The following SNX21 variants were observed in gnomAD, a reference collection of about 807,000 sequenced individuals.
The protein encoded by SNX21 is sorting nexin family member 21.
A neutral mutation model predicts 30.9 loss-of-function variants in SNX21; 36 were observed. The ratio of observed to expected loss-of-function variants is 1.16; its 90% CI spans 0.89 to 1.54. SNX21 has a LOEUF of 1.54. SNX21 is among the 40% of genes most tolerant of loss of function. SNX21 has a pLI of 0.00. For missense variants in SNX21, 508 were observed against 516.5 expected, an observed-to-expected ratio of 0.98 and a Z score of 0.16; for synonymous variants, 218 against 222.7, an observed-to-expected ratio of 0.98 and a Z score of 0.19.
At position 45,833,880 on chromosome 20, in the gene SNX21, G is replaced by A. The variant is rs931646183; in HGVS notation, c.-40G>A. 4 of 1,341,340 alleles carry A rather than the reference G, an allele frequency of 3.0e-6. No homozygotes were observed. The African/African-American group carries it at 6.2e-5, about 21-fold the overall frequency. The allele number at this position is 1,341,340 out of a possible 1,614,324, so 83.1% of individuals were successfully genotyped here. On this transcript the variant is annotated 5_prime_UTR_variant, in exon 1 of 4. Coordinates refer to ENST00000491381, the MANE Select transcript of SNX21 (RefSeq NM_033421.4). ...CCCGGCCGACCTCCATGGGCTGCGGGGGGCTGCACCCGGACCCCTGGGGCG... is the reference window on the plus strand; with the variant it reads ...CCCGGCCGACCTCCATGGGCTGCGGAGGGCTGCACCCGGACCCCTGGGGCG...
Position 45,833,807 on chromosome 20 carries a change from G to A in SNX21, c.-113G>A, listed in dbSNP as rs1983214344. On this transcript the variant is annotated 5_prime_UTR_variant, in exon 1 of 4. Transcript: ENST00000491381. ...GGAGGCGGGGCGGCGGCAGGAAGCTGCCCGAGCGGCGCTCTGAGCGGCCTG... is the reference window on the plus strand; with the variant it reads ...GGAGGCGGGGCGGCGGCAGGAAGCTACCCGAGCGGCGCTCTGAGCGGCCTG... 6 of 1,111,826 alleles carry A rather than the reference G, an allele frequency of 5.4e-6. No homozygotes were observed. The highest frequency in any genetic ancestry group is 6.9e-6 in the Non-Finnish European group (6 of 874,174). The allele number at this position is 1,111,826 out of a possible 1,614,324, so 68.9% of individuals were successfully genotyped here. A position where few individuals can be genotyped will look rare whatever the true frequency, so the allele number is the denominator to read the frequency against.
chr20:45,836,850 C>T (rs957737110), intron 3 of SNX21, among the ~76,000 whole-genome samples: 4 of 152,176 alleles, frequency 2.6e-5, no homozygotes, highest in Non-Finnish European at 4.4e-5. Context: ...AAGCAAGGCA[C>T]CTCCTGTGTA....
rs2145740999 is a variant in SNX21 at position 45,837,402 on chromosome 20, C to T, written c.447+2286C>T. On this transcript the variant is annotated intron_variant, in intron 3 of 3. Transcript: ENST00000491381. ...TTCTTTATTGTTAAAGTATTTAATC[C>T]CTAATAGTGATATACACTGTGAATC... Among the ~76,000 whole-genome samples the T allele has an allele frequency of 1.3e-5, 2 of 152,066 alleles. 1 individual carries two copies. The highest frequency in any genetic ancestry group is 4.2e-4 in the South Asian group (2 of 4,810).
At position 45,840,954 on chromosome 20, in the gene SNX21, C is replaced by T. The variant is rs1883966639; in HGVS notation, c.763C>T (p.Leu255Phe). The T allele has an allele frequency of 6.2e-7, 1 of 1,610,796 alleles. No homozygotes were observed. The highest frequency in any genetic ancestry group is 1.3e-5 in the African/African-American group (1 of 74,898). ...GGCACAGAGCCTCACCTGTACTGGC[C>T]TCTATCGTGAGGCTCTGGCACTCTG... ...RRAQSLTCTG[L>F]YREALALWAN... The change falls in exon 4 of 4, where the codon CTC becomes TTC. Residue 255 changes from leucine (L) to phenylalanine (F), a missense_variant. Coordinates refer to ENST00000491381, the MANE Select transcript of SNX21 (RefSeq NM_033421.4).
Position 45,842,900 on chromosome 20 carries a change from T to A in SNX21, c.*1587T>A. ...TTATCAAGCAAAGCTTTTCTTCATTTGAAATGTACTCCCTTGGAAAGGAGG... is the reference window on the plus strand; with the variant it reads ...TTATCAAGCAAAGCTTTTCTTCATTAGAAATGTACTCCCTTGGAAAGGAGG... On this transcript the variant is annotated 3_prime_UTR_variant, in exon 4 of 4. Coordinates refer to ENST00000491381, the MANE Select transcript of SNX21 (RefSeq NM_033421.4). The A allele has an allele frequency of 1.0e-6, 1 of 998,578 alleles. No individual in the cohort carries two copies. The highest frequency in any genetic ancestry group is 1.2e-6 in the Non-Finnish European group (1 of 837,002). The allele number at this position is 998,578 out of a possible 1,614,324, so 61.9% of individuals were successfully genotyped here. A position where few individuals can be genotyped will look rare whatever the true frequency, so the allele number is the denominator to read the frequency against.
chr20:45,835,751 C>T (rs1412667428), intron 3 of SNX21, among the ~76,000 whole-genome samples: 1 of 152,170 alleles, frequency 6.6e-6, no homozygotes, highest in Admixed American at 6.5e-5. Context: ...CTAGGGCCTG[C>T]TGTGTCCTTA....
Position 45,843,225 on chromosome 20 carries a change from T to G in SNX21, c.*1912T>G. 1 of 519,932 alleles carries G rather than the reference T, an allele frequency of 1.9e-6. No individual in the cohort carries two copies. Among genetic ancestry groups the G allele is most frequent in the Admixed American group, 2.6e-5 (1 of 37,960 alleles). The allele number at this position is 519,932 out of a possible 1,614,324, so 32.2% of individuals were successfully genotyped here. ...CTTTGTTTAGATGAGGAAACTGAGG[T>G]TCAGATGGAAGATATGATTTGCCTA... is the stretch of plus-strand genomic sequence containing the variant. On this transcript the variant is annotated 3_prime_UTR_variant, in exon 4 of 4. Transcript: ENST00000491381.
rs1261481719 is a variant in SNX21 at position 45,840,566 on chromosome 20, G to A, written c.448-73G>A. 3 of 1,613,460 alleles carry A rather than the reference G, an allele frequency of 1.9e-6. No homozygotes were observed. In the Admixed American group the frequency reaches 5.0e-5, roughly 27 times the overall value. On this transcript the variant is annotated intron_variant, in intron 3 of 3. Coordinates refer to ENST00000491381, the MANE Select transcript of SNX21 (RefSeq NM_033421.4). The stretch of plus-strand genomic sequence containing the variant: ...GGGGAGGTACAGCTGGGAGTGTGGG[G>A]GATGGGGAAGGATGGGGAGGGAACG...
intron 3 of SNX21, 116 bp from the exon 4 acceptor site, chr20:45,840,522 AG>A: frequency 6.2e-7 from 1 of 1,602,650 alleles, no homozygotes; most frequent in Non-Finnish European, 8.5e-7. Context: ...GTGCTGTCCC[AG>A]GGGTGAAAGG....
chr20:45,837,337 A>T (rs1013046063), intron 3 of SNX21, among the ~76,000 whole-genome samples: 2 of 152,230 alleles, frequency 1.3e-5, no homozygotes, highest in African/African-American at 4.8e-5. Flanking sequence ...TGCAGGCAAT[A>T]TGTTTTGAGA....
rs745755088 is a variant in SNX21, at chr20:45,840,881, C to G, written c.690C>G (p.Arg230=). 2 of 1,613,572 alleles carry G rather than the reference C, an allele frequency of 1.2e-6. No homozygotes were observed. Among genetic ancestry groups the G allele is most frequent in the Non-Finnish European group, 1.7e-6 (2 of 1,180,020 alleles). The change falls in exon 4 of 4, where the codon CGC becomes CGG. Residue 230 remains arginine (R), a synonymous_variant. Coordinates refer to ENST00000491381, the MANE Select transcript of SNX21 (RefSeq NM_033421.4). ...LGHLQAVPEL[R]HAPDLQDFFV... is the part of the protein sequence containing the mutation. ...ACCTGCAGGCAGTGCCTGAGCTGCG[C>G]CATGCCCCGGACCTGCAGGACTTCT...
At position 45,843,063 on chromosome 20, in the gene SNX21, TAC is replaced by T; in HGVS notation, c.*1752_*1753del. The T allele has an allele frequency of 8.7e-7, 1 of 1,148,730 alleles. No homozygotes were observed. The highest frequency in any genetic ancestry group is 4.1e-5 in the Admixed American group (1 of 24,668). The allele number at this position is 1,148,730 out of a possible 1,614,324, so 71.2% of individuals were successfully genotyped here. A position where few individuals can be genotyped will look rare whatever the true frequency, so the allele number is the denominator to read the frequency against. ...CAGAATCACTTAGAGAACTTAAAAA[TAC>T]AGTTTCCTGGACCTTATCCAAGACC... is the stretch of plus-strand genomic sequence containing the variant. On this transcript the variant is annotated 3_prime_UTR_variant, in exon 4 of 4. Transcript: ENST00000491381.
chr20:45,839,903 T>A (rs1438439847), intron 3 of SNX21, among the ~76,000 whole-genome samples: 1 of 151,936 alleles, frequency 6.6e-6, no homozygotes, highest in Non-Finnish European at 1.5e-5. Flanking sequence ...TGAGACCCTG[T>A]CTCAAAAAAT....
intron 3 of SNX21, among the ~76,000 whole-genome samples, chr20:45,837,339 G>A (rs1983629397): frequency 6.6e-6 from 1 of 152,190 alleles, no homozygotes; most frequent in African/African-American, 2.4e-5. Context: ...CAGGCAATAT[G>A]TTTTGAGAAT....
chr20:45,840,071 G>A (rs1193966004), intron 3 of SNX21: 2 of 878,792 alleles, frequency 2.3e-6, no homozygotes, highest in Non-Finnish European at 2.7e-6. Context: ...TGGACCCAGA[G>A]GGGGACTCCC....
chr20:45,841,835 T>A lies in SNX21; in HGVS notation c.*522T>A. 6.3e-7 allele frequency: 1 copy of A among 1,599,604 alleles called. No individual in the cohort carries two copies. On this transcript the variant is annotated 3_prime_UTR_variant, in exon 4 of 4. Coordinates refer to ENST00000491381, the MANE Select transcript of SNX21 (RefSeq NM_033421.4). ...AAGCCCCAGGCGAAGCTGGTACCTCTGGCTACAGCTTGCTCTCTGAGACCT... is the reference window on the plus strand; with the variant it reads ...AAGCCCCAGGCGAAGCTGGTACCTCAGGCTACAGCTTGCTCTCTGAGACCT...
chr20:45,838,069 C>T (rs1241978701), intron 3 of SNX21, among the ~76,000 whole-genome samples: 3 of 150,522 alleles, frequency 2.0e-5, no homozygotes, highest in South Asian at 2.1e-4. Flanking sequence ...TACGCCCAGC[C>T]GAACCTATTT....
At chr20:45,833,984 G>T in intron 1 of SNX21, 44 bp downstream of exon 1, 1 of 1,434,544 alleles carries the variant, frequency 7.0e-7, no homozygotes. Context: ...GGAGGGTCCT[G>T]AGCCCCTCCG....
chr20:45,835,079 G>A lies in SNX21; in HGVS notation c.410G>A (p.Ser137Asn). The part of the protein sequence containing the change: ...APQRLLFEVT[S>N]ANVVKDPPSK... ...CAGCGGCTGCTCTTCGAAGTGACCA[G>A]CGCTAACGTTGTCAAGGACCCGCCC... Residue 137 changes from serine to asparagine, a missense_variant, in exon 3 of 4, where the codon AGC (serine) becomes AAC (asparagine). Ser to Asn is a conservative substitution (Grantham distance 46). Coordinates refer to ENST00000491381, the MANE Select transcript of SNX21 (RefSeq NM_033421.4). The A allele has an allele frequency of 3.1e-6, 5 of 1,614,146 alleles. No individual in the cohort carries two copies. The highest frequency in any genetic ancestry group is 4.2e-6 in the Non-Finnish European group (5 of 1,179,998).
Sources: gnomAD v4.1 joint callset for allele counts (sites outside exome capture counted in the v4.1 genomes callset) on GRCh38, gnomAD v4.1.1 for gene constraint, MANE v1.5 for transcripts, NCBI Gene and HGNC (gene_info 2026-07-23, HGNC 2026-07-21) for gene names.